ERBB4: variants seen among roughly 807,000 people sequenced by gnomAD.
ERBB4 encodes the protein receptor tyrosine-protein kinase erbB-4.
In ERBB4, 42 loss-of-function variants were observed where a neutral mutation model predicts 158.0. That is an observed-to-expected ratio of 0.27 (90% confidence interval 0.21 to 0.34). ERBB4 has a LOEUF of 0.34. ERBB4 is among the 10% of genes least tolerant of loss of function. The probability of loss-of-function intolerance (pLI) is 1.00; values close to 1 mark genes in which losing one functional copy is unlikely to be tolerated. For missense variants in ERBB4, 1,333 were observed against 1,624.1 expected (o/e 0.82, Z 3.08); for synonymous variants, 583 against 558.7 (o/e 1.04, Z -0.61).
intron 1 of ERBB4, among the ~76,000 whole-genome samples, chr2:212,374,031 TATCC>T (rs1170831951): frequency 1.7e-5 from 2 of 115,150 alleles, no homozygotes; most frequent in South Asian, 3.1e-4. Context: ...CATATATATA[TATCC>T]ATATATATCC....
intron 2 of ERBB4, 49 bp downstream of exon 2, chr2:212,124,703 T>C (rs368048972): frequency 1.3e-5 from 21 of 1,607,166 alleles, no homozygotes; most frequent in East Asian, 2.2e-5. Context: ...GTATGCATCA[T>C]GACGCCACTG....
intron 1 of ERBB4, among the ~76,000 whole-genome samples, chr2:212,310,944 T>C (rs2087019121): frequency 6.6e-6 from 1 of 150,792 alleles, no homozygotes; most frequent in Admixed American, 6.6e-5. Context: ...CATTCTTTTC[T>C]ATGTAGTAAT....
At chr2:212,337,120 T>A (rs888458054) in intron 1 of ERBB4, among the ~76,000 whole-genome samples, 4 of 152,088 alleles carry the variant, frequency 2.6e-5, no homozygotes, top group African/African-American at 9.7e-5. Flanking sequence ...TCCAATAGAT[T>A]TGCTTAGATT....
chr2:212,390,733 T>G (rs1165062663), intron 1 of ERBB4, among the ~76,000 whole-genome samples: 2 of 151,936 alleles, frequency 1.3e-5, no homozygotes, highest in South Asian at 2.1e-4. Flanking sequence ...CTTAATTTCT[T>G]TATTGGTGCC....
intron 1 of ERBB4, among the ~76,000 whole-genome samples, chr2:212,509,437 A>G (rs1202589168): frequency 6.6e-6 from 1 of 152,000 alleles, no homozygotes; most frequent in African/African-American, 2.4e-5. Flanking sequence ...CAAATTTCAA[A>G]TACCCTCCTC....
chr2:211,795,918 G>A (rs1559526203), intron 3 of ERBB4, among the ~76,000 whole-genome samples: 2 of 151,872 alleles, frequency 1.3e-5, no homozygotes, highest in Admixed American at 1.3e-4. Context: ...ACAACTAGCA[G>A]TCTCTGTTAT....
chr2:212,373,329 G>C (rs1387013563), intron 1 of ERBB4, among the ~76,000 whole-genome samples: 1 of 152,030 alleles, frequency 6.6e-6, no homozygotes, highest in Non-Finnish European at 1.5e-5. Flanking sequence ...TGTGAGGAAA[G>C]CATAATAAAC....
At chr2:212,428,255 T>A (rs979090781) in intron 1 of ERBB4, among the ~76,000 whole-genome samples, 1 of 152,212 alleles carries the variant, frequency 6.6e-6, no homozygotes, top group East Asian at 1.9e-4. Flanking sequence ...TTTTCTTAAA[T>A]TATATGTACA....
chr2:211,524,115 C>T (rs1574667562), intron 20 of ERBB4, among the ~76,000 whole-genome samples: 2 of 151,982 alleles, frequency 1.3e-5, no homozygotes, highest in Admixed American at 6.5e-5. Context: ...TACAGAGTGC[C>T]GATTGGTGTA....
chr2:212,076,015 G>T (rs2078263809), intron 2 of ERBB4, among the ~76,000 whole-genome samples: 1 of 151,742 alleles, frequency 6.6e-6, no homozygotes, highest in South Asian at 2.1e-4. Flanking sequence ...TGCCTATTAA[G>T]ATATTTAAGT....
chr2:211,715,564 G>A (rs1559449983), intron 7 of ERBB4, among the ~76,000 whole-genome samples: 1 of 152,278 alleles, frequency 6.6e-6, no homozygotes, highest in South Asian at 2.1e-4. Context: ...GACCTGGAGG[G>A]AGGTGAATGA....
rs13003941 is a variant in ERBB4, at chr2:211,378,978, G to T, written c.*4637C>A. 64,165 of 230,974 alleles carry T rather than the reference G, an allele frequency of 0.28. 9,887 individuals are homozygous for T. The highest frequency in any genetic ancestry group is 0.33 in the Non-Finnish European group (39,027 of 116,898). The allele number at this position is 230,974 out of a possible 1,614,324, so 14.3% of individuals were successfully genotyped here. A position where few individuals can be genotyped will look rare whatever the true frequency, so the allele number is the denominator to read the frequency against. ...TATACAGTAGAAGTTAATTTATCTG[G>T]TTTTTTTAACAACTAGAAGCTGATG... is the stretch of plus-strand genomic sequence containing the variant. On this transcript the variant is annotated 3_prime_UTR_variant, in exon 28 of 28. Coordinates refer to ENST00000342788, the MANE Select transcript of ERBB4 (RefSeq NM_005235.3).
intron 3 of ERBB4, among the ~76,000 whole-genome samples, chr2:211,813,215 T>C (rs1385731935): frequency 6.6e-6 from 1 of 152,228 alleles, no homozygotes; most frequent in East Asian, 1.9e-4. Flanking sequence ...TATGTGAATG[T>C]AATATATGTT....
At chr2:212,349,359 C>G (rs2089155939) in intron 1 of ERBB4, among the ~76,000 whole-genome samples, 1 of 151,344 alleles carries the variant, frequency 6.6e-6, no homozygotes, top group African/African-American at 2.4e-5. Flanking sequence ...TGACTAGCGA[C>G]TACCATATTG....
At chr2:211,833,195 T>C (rs559646993) in intron 3 of ERBB4, among the ~76,000 whole-genome samples, 12 of 152,208 alleles carry the variant, frequency 7.9e-5, no homozygotes, top group Non-Finnish European at 1.8e-4. Context: ...TGCAGTGAAG[T>C]ATCATATGGT....
intron 1 of ERBB4, among the ~76,000 whole-genome samples, chr2:212,247,768 T>C (rs1435939558): frequency 6.6e-6 from 1 of 152,076 alleles, no homozygotes; most frequent in African/African-American, 2.4e-5. Flanking sequence ...GTTTGAGACC[T>C]GCCTGGGCAA....
rs1396109432 is a variant in ERBB4 at position 212,358,646 on chromosome 2, T to C, written c.82+179803A>G. On this transcript the variant is annotated intron_variant, in intron 1 of 27. Transcript: ENST00000342788. ...GTATATATTTACCCTGTTTAAATTATGAATCAATGATTTAAGTAACATGAA... is the reference window on the plus strand; with the variant it reads ...GTATATATTTACCCTGTTTAAATTACGAATCAATGATTTAAGTAACATGAA... Among the ~76,000 whole-genome samples, 4 of 151,928 alleles carry C rather than the reference T, an allele frequency of 2.6e-5. No homozygotes were observed. In the East Asian group the frequency reaches 5.8e-4, roughly 22 times the overall value.
At position 211,383,050 on chromosome 2, in the gene ERBB4, T is replaced by TCTTAC. The variant is rs975033402; in HGVS notation, c.*560_*564dup. ...AAATTATGAAAGTTGAGTTGGCCAT[T>TCTTAC]CTTACTTGCTAGGACAGAAACTGCT... On this transcript the variant is annotated 3_prime_UTR_variant, in exon 28 of 28. Transcript: ENST00000342788. 4.3e-6 allele frequency: 1 copy of TCTTAC among 232,462 alleles called. No individual in the cohort carries two copies. The highest frequency in any genetic ancestry group is 2.2e-5 in the African/African-American group (1 of 45,288). The allele number at this position is 232,462 out of a possible 1,614,324, so 14.4% of individuals were successfully genotyped here. A position where few individuals can be genotyped will look rare whatever the true frequency, so the allele number is the denominator to read the frequency against.
intron 1 of ERBB4, among the ~76,000 whole-genome samples, chr2:212,519,204 T>C (rs1692011564): frequency 6.6e-6 from 1 of 152,028 alleles, no homozygotes; most frequent in African/African-American, 2.4e-5. Context: ...ATCTCAGTCA[T>C]CCCTGAATTG....
Sources: allele counts gnomAD v4.1 joint callset (sites outside exome capture counted in the v4.1 genomes callset), GRCh38; gene constraint gnomAD v4.1.1; transcripts MANE v1.5; gene names NCBI Gene and HGNC (gene_info 2026-07-23, HGNC 2026-07-21).